PIK3R3: variants seen among roughly 807,000 people sequenced by gnomAD.
The protein encoded by PIK3R3 is phosphatidylinositol 3-kinase regulatory subunit gamma.
A neutral mutation model predicts 62.9 loss-of-function variants in PIK3R3; 64 were observed. The observed-to-expected ratio is 1.02, with a 90% CI of 0.83 to 1.25. PIK3R3 has a LOEUF of 1.25. PIK3R3 is among the 50% of genes most tolerant of loss of function. The probability of loss-of-function intolerance (pLI) is 0.00; values close to 1 mark genes in which losing one functional copy is unlikely to be tolerated. For synonymous variants in PIK3R3, 165 were observed against 189.0 expected (o/e 0.87, Z 1.04); for missense variants, 614 against 561.6 (o/e 1.09, Z -0.94).
At chr1:46,163,960 C>A in the PIK3R3 span, among the ~76,000 whole-genome samples, 1 of 152,150 alleles carries the variant, frequency 6.6e-6, no homozygotes, top group Admixed American at 6.5e-5. Flanking sequence ...CTGACCAGAC[C>A]ACAAAGGGAG....
chr1:46,126,011 C>G (rs528356928), intron 1 of PIK3R3, among the ~76,000 whole-genome samples: 4 of 152,064 alleles, frequency 2.6e-5, no homozygotes, highest in Admixed American at 2.0e-4. Flanking sequence ...CCGCCTGCCT[C>G]GGCCTCCCAA....
chr1:46,079,962 T>C (rs115141380), intron 2 of PIK3R3, among the ~76,000 whole-genome samples: 5,030 of 149,822 alleles, frequency 0.034, 279 homozygotes, highest in African/African-American at 0.12. Flanking sequence ...TCAAAACAAA[T>C]AAATAATGAA....
intron 1 of PIK3R3, among the ~76,000 whole-genome samples, chr1:46,109,162 CAAAA>C (rs758453256): frequency 1.4e-5 from 1 of 70,140 alleles, no homozygotes. Context: ...GACTCTGTCT[CAAAA>C]AAAAAAAAAA....
intron 5 of PIK3R3, among the ~76,000 whole-genome samples, chr1:46,063,731 G>A (rs914867356): frequency 1.3e-5 from 2 of 152,034 alleles, no homozygotes; most frequent in Non-Finnish European, 2.9e-5. Flanking sequence ...CATGTGCTCT[G>A]GGTCTCAGCT....
the PIK3R3 span, among the ~76,000 whole-genome samples, chr1:46,163,120 G>C: frequency 6.6e-6 from 1 of 152,302 alleles, no homozygotes; most frequent in African/African-American, 2.4e-5. Flanking sequence ...GAAAATGCTT[G>C]ATGGATGACA....
rs190915321 is a variant in PIK3R3 at position 46,111,096 on chromosome 1, G to A, written c.106+20751C>T. On this transcript the variant is annotated intron_variant, in intron 1 of 9. Transcript: ENST00000262741. ...ACACATTTCCCTATTACTATATCAC[G>A]AAAACACTGACCTTCACAAAAGATG... Among the ~76,000 whole-genome samples the A allele has an allele frequency of 5.5e-3, 843 of 151,992 alleles. 5 individuals are homozygous for A. The highest frequency in any genetic ancestry group is 7.5e-3 in the Non-Finnish European group (507 of 67,974).
the PIK3R3 span, among the ~76,000 whole-genome samples, chr1:46,149,332 G>C: frequency 6.9e-6 from 1 of 144,476 alleles, no homozygotes; most frequent in African/African-American, 2.6e-5. Context: ...TGAGGCGGGA[G>C]AATTGCTTGA....
At chr1:46,074,303 A>C (rs1381609963) in intron 3 of PIK3R3, among the ~76,000 whole-genome samples, 10 of 145,344 alleles carry the variant, frequency 6.9e-5, no homozygotes, top group Admixed American at 1.4e-4. Flanking sequence ...AAAAAAAAAA[A>C]AAAAAAAAAA....
At chr1:46,096,991 A>C (rs75383304) in intron 1 of PIK3R3, among the ~76,000 whole-genome samples, 8 of 151,648 alleles carry the variant, frequency 5.3e-5, no homozygotes, top group South Asian at 2.1e-4. Flanking sequence ...ACAAACAAAA[A>C]AAAAAAAAAC....
At chr1:46,142,463 C>G in the PIK3R3 span, among the ~76,000 whole-genome samples, 3 of 152,144 alleles carry the variant, frequency 2.0e-5, no homozygotes, top group Non-Finnish European at 4.4e-5. Context: ...CTTTGGGAGG[C>G]CAAGGCAGGT....
upstream of PIK3R3, chr1:46,132,757 C>T (rs1159195559): frequency 1.6e-6 from 2 of 1,282,192 alleles, no homozygotes; most frequent in South Asian, 1.2e-5. Context: ...ACCACCGCCC[C>T]TTCCACGCCG....
At chr1:46,073,658 CA>C (rs1418564040) in intron 3 of PIK3R3, among the ~76,000 whole-genome samples, 1 of 152,096 alleles carries the variant, frequency 6.6e-6, no homozygotes, top group African/African-American at 2.4e-5. Flanking sequence ...CTTGCTCTGT[CA>C]CCCAGGCCGG....
Position 46,090,309 on chromosome 1 carries a change from CTTTTTTA to C in PIK3R3, c.107-9566_107-9560del, listed in dbSNP as rs1651493772. On this transcript the variant is annotated intron_variant, in intron 1 of 9. Transcript: ENST00000262741. ...TTTGCAAACTGCTGTTCTACGCAGT[CTTTTTTA>C]TTTATTTATTTATTTATTTATTTAT... Among the ~76,000 whole-genome samples, 4 of 136,846 alleles carry C rather than the reference CTTTTTTA, an allele frequency of 2.9e-5. No homozygotes were observed. In the South Asian group the frequency reaches 9.6e-4, roughly 33 times the overall value. The allele number at this position is 136,846 out of a possible 152,430, so 89.8% of individuals were successfully genotyped here.
At chr1:46,057,879 G>A (rs1557562722) in intron 6 of PIK3R3, among the ~76,000 whole-genome samples, 1 of 151,960 alleles carries the variant, frequency 6.6e-6, no homozygotes, top group East Asian at 1.9e-4. Flanking sequence ...AGAAATTCAA[G>A]CCGGCTGCAG....
intron 9 of PIK3R3, 77 bp downstream of exon 9, chr1:46,045,841 T>C: frequency 7.6e-7 from 1 of 1,308,906 alleles, no homozygotes; most frequent in Non-Finnish European, 1.1e-6. Context: ...TAATTTCATC[T>C]GAATTTTATG....
Position 46,132,536 on chromosome 1 carries a change from G to A in PIK3R3, c.-584C>T, listed in dbSNP as rs1036328895. 6.2e-5 allele frequency: 78 copies of A among 1,253,448 alleles called. No homozygotes were observed. The highest frequency in any genetic ancestry group is 7.5e-5 in the Non-Finnish European group (73 of 970,120). 77.6% of individuals were successfully genotyped at this position (1,253,448 alleles called of 1,614,324 possible). ...CTGCCGCAGCCTCGGGAATGGGGCCGGCCGGAGAAGTCCAGTCAGCTCGGC... is the reference window on the plus strand; with the variant it reads ...CTGCCGCAGCCTCGGGAATGGGGCCAGCCGGAGAAGTCCAGTCAGCTCGGC... On this transcript the variant is annotated 5_prime_UTR_variant, in exon 1 of 10. Transcript: ENST00000262741.
Position 46,043,403 on chromosome 1 carries a change from C to A in PIK3R3, c.*270G>T. 2.1e-6 allele frequency: 1 copy of A among 468,072 alleles called. No individual in the cohort carries two copies. Among genetic ancestry groups the A allele is most frequent in the East Asian group, 3.8e-5 (1 of 26,648 alleles). The allele number at this position is 468,072 out of a possible 1,614,324, so 29.0% of individuals were successfully genotyped here. ...ATTCTGTTGAGGGTGTCTGGCTAAA[C>A]AAAACAAAAACCCCAATGAAACAGA... On this transcript the variant is annotated 3_prime_UTR_variant, in exon 10 of 10. Coordinates refer to ENST00000262741, the MANE Select transcript of PIK3R3 (RefSeq NM_003629.4).
chr1:46,133,840 G>A (rs962914927), upstream of PIK3R3, among the ~76,000 whole-genome samples: 1 of 151,804 alleles, frequency 6.6e-6, no homozygotes, highest in Non-Finnish European at 1.5e-5. Flanking sequence ...GAATTACAGT[G>A]CATGTGTAAT....
chr1:46,155,847 G>C, the PIK3R3 span, among the ~76,000 whole-genome samples: 4 of 152,104 alleles, frequency 2.6e-5, no homozygotes, highest in African/African-American at 9.7e-5. Context: ...ATAATATCTT[G>C]TGAAAATTAT....
Sources: gnomAD v4.1 joint callset for allele counts (sites outside exome capture counted in the v4.1 genomes callset) on GRCh38, gnomAD v4.1.1 for gene constraint, MANE v1.5 for transcripts, NCBI Gene and HGNC (gene_info 2026-07-23, HGNC 2026-07-21) for gene names.